TPO: variants seen among roughly 807,000 people sequenced by gnomAD.
TPO encodes the protein thyroid microsomal antigen.
Under a neutral mutation model 96.9 loss-of-function variants are expected in TPO, and 78 were observed. That is an observed-to-expected ratio of 0.81 (90% CI 0.67 to 0.97). The LOEUF is 0.97. Ranked by LOEUF, TPO falls within the 50% of genes least tolerant of loss-of-function variation. The probability of loss-of-function intolerance (pLI) is 0.00; values close to 1 mark genes in which losing one functional copy is unlikely to be tolerated. For synonymous variants in TPO, 547 were observed against 538.0 expected (o/e 1.02, Z -0.23); for missense variants, 1,252 against 1,274.8 (o/e 0.98, Z 0.27).
At position 1,460,503 on chromosome 2, in the gene TPO, G is replaced by T. The variant is rs145993940; in HGVS notation, c.819+4221G>T. 3.1e-3 allele frequency among the ~76,000 whole-genome samples: 473 copies of T among 152,174 alleles called. 1 individual carries two copies. The highest frequency in any genetic ancestry group is 0.011 in the African/African-American group (442 of 41,510). On this transcript the variant is annotated intron_variant, in intron 7 of 16. Coordinates refer to ENST00000329066, the MANE Select transcript of TPO (RefSeq NM_001206744.2). ...GTAACTTATTATCTGCGTGTATATAGGTTTGTTGTCCATAAAAAGAGTATA... is the reference window on the plus strand; with the variant it reads ...GTAACTTATTATCTGCGTGTATATATGTTTGTTGTCCATAAAAAGAGTATA...
intron 15 of TPO, among the ~76,000 whole-genome samples, chr2:1,526,547 T>TC: frequency 8.3e-6 from 1 of 120,298 alleles, no homozygotes; most frequent in Admixed American, 9.3e-5. Context: ...CCTCAAATCC[T>TC]CTCACTGTGT....
chr2:1,422,371 C>CCTCGTGCAGGCGCCTCTCCTGGACA (rs1190547540), intron 2 of TPO, among the ~76,000 whole-genome samples: 2 of 49,774 alleles, frequency 4.0e-5, no homozygotes, highest in Admixed American at 2.5e-4. Context: ...CGCGCTGGAC[C>CCTCGTGCAGGCGCCTCTCCTGGACA]GACCTCGTGC....
intron 14 of TPO, among the ~76,000 whole-genome samples, chr2:1,508,304 T>G (rs925266901): frequency 2.0e-5 from 3 of 152,168 alleles, no homozygotes; most frequent in African/African-American, 7.2e-5. Context: ...TTATTGAGGA[T>G]TTTTGCATCA....
chr2:1,531,919 C>T (rs1678350293), intron 15 of TPO, among the ~76,000 whole-genome samples: 1 of 113,028 alleles, frequency 8.8e-6, no homozygotes, highest in Non-Finnish European at 1.9e-5. Flanking sequence ...CAAATCACCC[C>T]CACTGTGTGC....
intron 15 of TPO, among the ~76,000 whole-genome samples, chr2:1,526,438 C>A (rs1285113524): frequency 2.4e-5 from 3 of 125,460 alleles, no homozygotes; most frequent in African/African-American, 9.3e-5. Flanking sequence ...CCTCAAATCC[C>A]CCAACTGTGT....
At chr2:1,387,736 T>G (rs1303703423) in intron 1 of TPO, among the ~76,000 whole-genome samples, 1 of 152,220 alleles carries the variant, frequency 6.6e-6, no homozygotes, top group Non-Finnish European at 1.5e-5. Flanking sequence ...TTGTCCAGCT[T>G]TGTTCCATTG....
chr2:1,514,263 T>C (rs1674457466), intron 14 of TPO, among the ~76,000 whole-genome samples: 1 of 152,198 alleles, frequency 6.6e-6, no homozygotes, highest in Non-Finnish European at 1.5e-5. Context: ...CCCACCCATG[T>C]TGGGGAGAGC....
intron 1 of TPO, 118 bp from the exon 2 acceptor site, chr2:1,414,290 G>T: frequency 1.0e-6 from 1 of 966,534 alleles, no homozygotes; most frequent in African/African-American, 1.6e-5. Flanking sequence ...CGCTCACTGC[G>T]GTAGAGGCTG....
At chr2:1,510,764 G>C (rs1455748624) in intron 14 of TPO, among the ~76,000 whole-genome samples, 1 of 152,172 alleles carries the variant, frequency 6.6e-6, no homozygotes, top group Non-Finnish European at 1.5e-5. Flanking sequence ...CCATGTCTGA[G>C]AGATTAATAC....
intron 15 of TPO, among the ~76,000 whole-genome samples, chr2:1,520,969 C>G (rs1312993248): frequency 1.3e-5 from 2 of 152,184 alleles, no homozygotes; most frequent in African/African-American, 4.8e-5. Context: ...AGTCCTTTCT[C>G]CATTCGCTCT....
chr2:1,447,240 C>G (rs1188265494), intron 5 of TPO, among the ~76,000 whole-genome samples: 2 of 152,216 alleles, frequency 1.3e-5, no homozygotes, highest in Non-Finnish European at 2.9e-5. Flanking sequence ...AGCCTGCTGC[C>G]TGGAGACTTC....
At chr2:1,446,990 G>A (rs1666887146) in intron 5 of TPO, among the ~76,000 whole-genome samples, 1 of 152,100 alleles carries the variant, frequency 6.6e-6, no homozygotes, top group African/African-American at 2.4e-5. Context: ...TGAGGGGTGT[G>A]TGTGTGTGTA....
Position 1,472,556 on chromosome 2 carries a change from G to A in TPO, c.820-4530G>A, listed in dbSNP as rs28910585. On this transcript the variant is annotated intron_variant, in intron 7 of 16. Transcript: ENST00000329066. ...GTCCTGGGAATCCCCCCAGTGGAGCGCCAAGCCATCCCTGCTTACGGCTGG... is the reference window on the plus strand; with the variant it reads ...GTCCTGGGAATCCCCCCAGTGGAGCACCAAGCCATCCCTGCTTACGGCTGG... Among the ~76,000 whole-genome samples the A allele has an allele frequency of 7.0e-3, 1,061 of 152,160 alleles. 21 individuals carry two copies. Among genetic ancestry groups the A allele is most frequent in the Admixed American group, 0.046 (697 of 15,290 alleles).
intron 7 of TPO, among the ~76,000 whole-genome samples, chr2:1,476,404 A>T (rs2138018): frequency 6.0e-4 from 92 of 152,086 alleles, no homozygotes; most frequent in African/African-American, 2.1e-3. Flanking sequence ...TGGAAAAAAT[A>T]TTTTAGATCT....
At chr2:1,489,856 G>A (rs527643229) in intron 10 of TPO, among the ~76,000 whole-genome samples, 10 of 152,294 alleles carry the variant, frequency 6.6e-5, no homozygotes, top group South Asian at 2.1e-4. Flanking sequence ...TCCCCTGAGC[G>A]CCCAGGACAG....
chr2:1,538,799 G>A (rs1239369881), intron 15 of TPO, among the ~76,000 whole-genome samples: 2 of 152,122 alleles, frequency 1.3e-5, no homozygotes, highest in African/African-American at 2.4e-5. Context: ...TCACAGTTCT[G>A]GAGACCAGAA....
intron 1 of TPO, among the ~76,000 whole-genome samples, chr2:1,390,161 C>CT (rs1404586279): frequency 7.7e-6 from 1 of 129,384 alleles, no homozygotes; most frequent in African/African-American, 4.6e-5. Context: ...TAATGCTATC[C>CT]CCCCCCAGCT....
At chr2:1,479,788 T>G (rs1670364825) in intron 8 of TPO, among the ~76,000 whole-genome samples, 1 of 132,234 alleles carries the variant, frequency 7.6e-6, no homozygotes, top group Non-Finnish European at 1.7e-5. Flanking sequence ...TTCTCCTTCT[T>G]CTTCTTTTTT....
In TPO at chr2:1,447,712, G is replaced by C. The variant is rs13406835; in HGVS notation, c.483-5982G>C. ...TATAATAAACACAGGTCTATATAGA[G>C]GGGTGTGTGTGTATGTATGTATAGA... is the stretch of plus-strand genomic sequence containing the variant. On this transcript the variant is annotated intron_variant, in intron 5 of 16. Coordinates refer to ENST00000329066, the MANE Select transcript of TPO (RefSeq NM_001206744.2). 5.5e-3 allele frequency among the ~76,000 whole-genome samples: 836 copies of C among 152,264 alleles called. 8 individuals are homozygous for C. Among genetic ancestry groups the C allele is most frequent in the African/African-American group, 0.019 (799 of 41,540 alleles).
Sources: gnomAD v4.1 joint callset for allele counts (sites outside exome capture counted in the v4.1 genomes callset) on GRCh38, gnomAD v4.1.1 for gene constraint, MANE v1.5 for transcripts, NCBI Gene and HGNC (gene_info 2026-07-23, HGNC 2026-07-21) for gene names.